The following FAM83H variants were observed in gnomAD, a reference collection of about 807,000 sequenced individuals.
FAM83H encodes the protein protein FAM83H.
In FAM83H, 24 loss-of-function variants were observed where a neutral mutation model predicts 30.2. The ratio of observed to expected loss-of-function variants is 0.79; its 90% CI spans 0.57 to 1.12. The LOEUF is 1.12. Ranked by LOEUF, FAM83H falls within the 50% of genes most tolerant of loss-of-function variation. FAM83H has a pLI of 0.00. For synonymous variants in FAM83H, 1,013 were observed against 821.7 expected (o/e 1.23, Z -3.98); for missense variants, 2,038 against 1,773.9 (o/e 1.15, Z -2.67).
rs1554622706 is a variant in FAM83H at position 143,727,609 on chromosome 8, C to T, written c.1852G>A (p.Gly618Ser). 1 of 1,579,654 alleles carries T rather than the reference C, an allele frequency of 6.3e-7. No individual in the cohort carries two copies. Residue 618 changes from glycine to serine, a missense_variant, in exon 5 of 5, where the codon GGC becomes AGC. Physicochemically the swap from Gly to Ser is moderately conservative, Grantham distance 56. Transcript: ENST00000388913. ...AYEDDVLAPG[G>S]RAPAGDLLPS... ...AGCAGGTCGCCGGCAGGTGCCCGGC[C>T]CCCGGGAGCCAGCACGTCGTCTTCG...
Position 143,729,041 on chromosome 8 carries a change from C to A in FAM83H, c.663G>T (p.Gly221=). The A allele has an allele frequency of 1.9e-6, 3 of 1,613,668 alleles. No homozygotes were observed. The highest frequency in any genetic ancestry group is 2.2e-5 in the South Asian group (2 of 91,088). ...VAGPTYYCRT[G]KSFKGHVKEK... The stretch of plus-strand genomic sequence containing the variant: ...CCTTGACGTGGCCCTTGAAGGACTT[C>A]CCAGTGCGGCAGTAGTAGGTGGGGC... Residue 221 remains glycine, a synonymous_variant, in exon 4 of 5, where the codon GGG becomes GGT. Coordinates refer to ENST00000388913, the MANE Select transcript of FAM83H (RefSeq NM_198488.5).
At chr8:143,730,683 C>T (rs1181856345) in intron 1 of FAM83H, 86 bp from the exon 2 acceptor site, 18 of 992,016 alleles carry the variant, frequency 1.8e-5, no homozygotes, top group South Asian at 1.4e-4. Context: ...TGGAAAGGGC[C>T]GTCAGTGACT....
chr8:143,729,498 A>C (rs1378342944), intron 2 of FAM83H, among the ~76,000 whole-genome samples, 175 bp from the exon 3 acceptor site: 1 of 152,166 alleles, frequency 6.6e-6, no homozygotes, highest in African/African-American at 2.4e-5. Flanking sequence ...GAAGGGACCA[A>C]ACAGAAGAGG....
chr8:143,729,083 G>T lies in FAM83H; in HGVS notation c.621C>A (p.Arg207=). 2.5e-6 allele frequency: 4 copies of T among 1,613,656 alleles called. No individual in the cohort carries two copies. The highest frequency in any genetic ancestry group is 2.2e-5 in the East Asian group (1 of 44,870). The change falls in exon 4 of 5, where the codon CGC becomes CGA. Residue 207 remains arginine (R), a synonymous_variant. Coordinates refer to ENST00000388913, the MANE Select transcript of FAM83H (RefSeq NM_198488.5). The part of the protein sequence containing the change: ...RVNLQHVDFL[R]VRTVAGPTYY... ...AGGTGGGGCCCGCCACAGTCCGTACGCGCAGGAACTGGGGAGGGAGGGGAG... is the reference window on the plus strand; with the variant it reads ...AGGTGGGGCCCGCCACAGTCCGTACTCGCAGGAACTGGGGAGGGAGGGGAG...
intron 2 of FAM83H, 87 bp from the exon 3 acceptor site, chr8:143,729,410 T>G: frequency 6.8e-7 from 1 of 1,478,268 alleles, no homozygotes; most frequent in Non-Finnish European, 9.3e-7. Context: ...GGGAGGTGTC[T>G]GGATCACCCA....
chr8:143,732,613 G>A (rs1396845866), intron 1 of FAM83H: 7 of 985,256 alleles, frequency 7.1e-6, no homozygotes, highest in African/African-American at 3.5e-5. Flanking sequence ...CCGTGGCCAG[G>A]AGCCCTCCCA....
In FAM83H at chr8:143,729,210, C is replaced by T; in HGVS notation, c.561G>A (p.Gln187=). ...VYILLDEMNA[Q]HFLDMADKCR... is the part of the protein sequence containing the mutation. ...ACTTGTCGGCCATGTCCAGGAAGTGCTGCGCGTTCATCTCATCCAGCAGGA... is the reference window on the plus strand; with the variant it reads ...ACTTGTCGGCCATGTCCAGGAAGTGTTGCGCGTTCATCTCATCCAGCAGGA... Residue 187 remains glutamine, a synonymous_variant, in exon 3 of 5, where the codon CAG becomes CAA. Coordinates refer to ENST00000388913, the MANE Select transcript of FAM83H (RefSeq NM_198488.5). The T allele has an allele frequency of 6.2e-7, 1 of 1,613,674 alleles. No individual in the cohort carries two copies. Among genetic ancestry groups the T allele is most frequent in the Non-Finnish European group, 8.5e-7 (1 of 1,180,032 alleles).
chr8:143,733,406 G>A lies in FAM83H; in HGVS notation c.-16+285C>T, dbSNP rs1818598679. Among the ~76,000 whole-genome samples the A allele has an allele frequency of 6.6e-6, 1 of 152,178 alleles. No homozygotes were observed. Among genetic ancestry groups the A allele is most frequent in the South Asian group, 2.1e-4 (1 of 4,838 alleles). ...GGGCGGGAGCGAGTCGGGACGGCCG[G>A]GCAGGCTCGACCCGGATCCCGGGCC... On this transcript the variant is annotated intron_variant, in intron 1 of 4. Transcript: ENST00000388913. This position sits in a 1 kb window ranked among gnomAD's most constrained non-coding sequence, Gnocchi z 5.6.
Position 143,726,633 on chromosome 8 carries a change from C to T in FAM83H, c.2828G>A (p.Gly943Glu), listed in dbSNP as rs1818305423. Reference sequence around the variant, plus strand: ...CGCGGGCCCGGCCTTCGGGGACTCCCCGGAGATGGTAAGGGTGAGGCTGCC... The same window carrying T: ...CGCGGGCCCGGCCTTCGGGGACTCCTCGGAGATGGTAAGGGTGAGGCTGCC... ...RRGSLTLTIS[G>E]ESPKAGPAEE... is the part of the protein sequence containing the mutation. Residue 943 changes from glycine to glutamate, a missense_variant, in exon 5 of 5, where the codon GGG becomes GAG. Gly to Glu is a moderately conservative substitution (Grantham distance 98). Coordinates refer to ENST00000388913, the MANE Select transcript of FAM83H (RefSeq NM_198488.5). 2 of 1,598,600 alleles carry T rather than the reference C, an allele frequency of 1.3e-6. No homozygotes were observed. Among genetic ancestry groups the T allele is most frequent in the Non-Finnish European group, 1.7e-6 (2 of 1,177,924 alleles).
Position 143,727,677 on chromosome 8 carries a change from C to A in FAM83H, c.1784G>T (p.Gly595Val). 6.4e-7 allele frequency: 1 copy of A among 1,567,334 alleles called. No homozygotes were observed. The highest frequency in any genetic ancestry group is 2.4e-5 in the East Asian group (1 of 42,424). Reference protein sequence around the residue: ...SYLSGCHGEDGGDDGLPAPME... With the variant: ...SYLSGCHGEDVGDDGLPAPME... ...GGGCGCCGGTAGGCCGTCGTCGCCC[C>A]CATCCTCGCCGTGGCAGCCGCTCAA... Residue 595 changes from glycine (G) to valine (V), a missense_variant, in exon 5 of 5, where the codon GGG (glycine) becomes GTG (valine). Transcript: ENST00000388913.
At chr8:143,732,064 C>T in intron 1 of FAM83H, 1 of 985,378 alleles carries the variant, frequency 1.0e-6, no homozygotes, top group Non-Finnish European at 1.2e-6. Flanking sequence ...AGGAGCGTGC[C>T]CCTGGGCGCT....
At position 143,727,492 on chromosome 8, in the gene FAM83H, G is replaced by A; in HGVS notation, c.1969C>T (p.Pro657Ser). ...TGCTTGGCCAGGCCAGGCTCCTCCG[G>A]GCCCTCGCGCTCTGGGCCGTTGCCG... ...SGGNGPEREG[P>S]EEPGLAKQDS... Residue 657 changes from proline to serine, a missense_variant, in exon 5 of 5, where the codon CCG becomes TCG. Physicochemically the swap from Pro to Ser is moderately conservative, Grantham distance 74. Transcript: ENST00000388913. 1 of 1,569,676 alleles carries A rather than the reference G, an allele frequency of 6.4e-7. No homozygotes were observed. The highest frequency in any genetic ancestry group is 8.6e-7 in the Non-Finnish European group (1 of 1,165,286).
Position 143,729,450 on chromosome 8 carries a change from T to A in FAM83H, c.448-127A>T. ...CACTGTGAAACAAGCTAGTCCATCC[T>A]AGGGAGTTGGCGCCACATCTGGGAA... On this transcript the variant is annotated intron_variant, in intron 2 of 4. Transcript: ENST00000388913. 2.8e-6 allele frequency: 3 copies of A among 1,063,456 alleles called. No individual in the cohort carries two copies. The South Asian group carries it at 4.0e-5, about 14-fold the overall frequency. 65.9% of individuals were successfully genotyped at this position (1,063,456 alleles called of 1,614,324 possible).
At chr8:143,730,722 A>G in intron 1 of FAM83H, 125 bp from the exon 2 acceptor site, 1 of 731,404 alleles carries the variant, frequency 1.4e-6, no homozygotes, top group South Asian at 2.1e-5. Context: ...GCCCATGCCC[A>G]GGAGGCCTTC....
rs559135498 is a variant in FAM83H, at chr8:143,731,735, C to G, written c.-15-1138G>C. 20 of 985,492 alleles carry G rather than the reference C, an allele frequency of 2.0e-5. No individual in the cohort carries two copies. The East Asian group carries it at 1.5e-3, about 73-fold the overall frequency. The allele number at this position is 985,492 out of a possible 1,614,324, so 61.0% of individuals were successfully genotyped here. A position where few individuals can be genotyped will look rare whatever the true frequency, so the allele number is the denominator to read the frequency against. ...TTGCTCAGAGTCCTGTCCCCACCAGCCCCCATCCAGGGCAGCAGGGACCTT... is the reference window on the plus strand; with the variant it reads ...TTGCTCAGAGTCCTGTCCCCACCAGGCCCCATCCAGGGCAGCAGGGACCTT... On this transcript the variant is annotated intron_variant, in intron 1 of 4. Coordinates refer to ENST00000388913, the MANE Select transcript of FAM83H (RefSeq NM_198488.5).
At position 143,728,325 on chromosome 8, in the gene FAM83H, C is replaced by T. The variant is rs1818386620; in HGVS notation, c.1136G>A (p.Arg379His). Residue 379 changes from arginine (R) to histidine (H), a missense_variant, in exon 5 of 5, where the codon CGC becomes CAC. Transcript: ENST00000388913. ...AGCCGGCCCGGCCTCGGCCTCCAGGCGCCGCGAGAGCGGCCGCAGCCCCGC... is the reference window on the plus strand; with the variant it reads ...AGCCGGCCCGGCCTCGGCCTCCAGGTGCCGCGAGAGCGGCCGCAGCCCCGC... The part of the protein sequence containing the change: ...PHAGLRPLSR[R>H]LEAEAGPAGE... 2.1e-6 allele frequency: 3 copies of T among 1,440,356 alleles called. No homozygotes were observed. The highest frequency in any genetic ancestry group is 1.8e-6 in the Non-Finnish European group (2 of 1,103,406). 89.2% of individuals were successfully genotyped at this position (1,440,356 alleles called of 1,614,324 possible). A position where few individuals can be genotyped will look rare whatever the true frequency, so the allele number is the denominator to read the frequency against.
At chr8:143,728,938 A>C (rs1554623646) in intron 4 of FAM83H, 29 bp downstream of exon 4, 1 of 1,612,918 alleles carries the variant, frequency 6.2e-7, no homozygotes, top group South Asian at 1.1e-5. Flanking sequence ...GGCCCCAGAG[A>C]AGGGGGTGAG....
rs1195039879 is a variant in FAM83H at position 143,726,013 on chromosome 8, C to T, written c.3448G>A (p.Ala1150Thr). 11 of 1,612,650 alleles carry T rather than the reference C, an allele frequency of 6.8e-6. No homozygotes were observed. The East Asian group carries it at 2.2e-4, about 33-fold the overall frequency. ...CKKEEASSPG[A>T]GEGPAEEGTR... ...CCCTCCTCCGCGGGGCCTTCCCCTG[C>T]CCCAGGGCTGCTGGCCTCCTCTTTC... Residue 1150 changes from alanine to threonine, a missense_variant, in exon 5 of 5, where the codon GCA becomes ACA. Physicochemically the swap from Ala to Thr is moderately conservative, Grantham distance 58 (BLOSUM62 0). Transcript: ENST00000388913.
At chr8:143,729,397 C>A (rs1818430429) in intron 2 of FAM83H, 74 bp from the exon 3 acceptor site, 2 of 1,535,348 alleles carry the variant, frequency 1.3e-6, no homozygotes, top group South Asian at 2.2e-5. Flanking sequence ...CCCCTCCACA[C>A]CCGGGAGGTG....
Sources: allele counts gnomAD v4.1 joint callset (sites outside exome capture counted in the v4.1 genomes callset), GRCh38; gene constraint gnomAD v4.1.1; non-coding constraint Gnocchi (gnomAD v3.1); transcripts MANE v1.5; gene names NCBI Gene and HGNC (gene_info 2026-07-23, HGNC 2026-07-21).